The following TMEM268 variants were observed in gnomAD, a reference collection of about 807,000 sequenced individuals.
TMEM268 encodes transmembrane protein C9orf91.
TMEM268 carries 24 observed loss-of-function variants against 39.1 expected under a neutral mutation model. The ratio of observed to expected loss-of-function variants is 0.61; its 90% CI spans 0.44 to 0.86. The LOEUF is 0.86. Among genes scored for constraint, TMEM268 ranks in the 40% least tolerant of loss-of-function variants. The pLI is 0.00. For synonymous variants in TMEM268, 176 were observed against 173.5 expected (o/e 1.01, Z -0.12); for missense variants, 409 against 428.6 (o/e 0.95, Z 0.40).
chr9:114,615,229 G>A (rs1845657663), intron 1 of TMEM268, among the ~76,000 whole-genome samples: 2 of 152,160 alleles, frequency 1.3e-5, no homozygotes, highest in African/African-American at 4.8e-5. Context: ...ACGTGACTGA[G>A]TGGTTCCTGC....
chr9:114,621,719 G>A (rs987109763), intron 2 of TMEM268, among the ~76,000 whole-genome samples: 3 of 152,106 alleles, frequency 2.0e-5, no homozygotes, highest in Non-Finnish European at 2.9e-5. Flanking sequence ...CTAGGTAGAC[G>A]TGTCCTAGAG....
upstream of TMEM268, among the ~76,000 whole-genome samples, chr9:114,607,189 C>T (rs892052149): frequency 4.6e-5 from 7 of 152,146 alleles, no homozygotes; most frequent in Non-Finnish European, 8.8e-5. Context: ...CATATTTATT[C>T]ATTCACTACT....
upstream of TMEM268, among the ~76,000 whole-genome samples, chr9:114,609,820 CAA>C (rs1466674313): frequency 2.1e-5 from 3 of 142,408 alleles, no homozygotes; most frequent in Admixed American, 7.3e-5. Flanking sequence ...GAAAAAGAAA[CAA>C]AGAAAGAAAG....
chr9:114,620,460 G>A (rs1206680179), intron 2 of TMEM268, among the ~76,000 whole-genome samples: 2 of 152,006 alleles, frequency 1.3e-5, no homozygotes, highest in Non-Finnish European at 2.9e-5. Flanking sequence ...TGTTGCCCGG[G>A]TTGATCTCAA....
chr9:114,617,088 T>C, intron 1 of TMEM268, 30 bp from the exon 2 acceptor site: 1 of 731,524 alleles, frequency 1.4e-6, no homozygotes, highest in Non-Finnish European at 2.3e-6. Flanking sequence ...GGCTCAGGCC[T>C]GAAGTTCTTT....
chr9:114,605,469 T>C, the TMEM268 span, among the ~76,000 whole-genome samples: 3 of 152,238 alleles, frequency 2.0e-5, no homozygotes, highest in South Asian at 2.1e-4. Context: ...CAGGTCAACA[T>C]AGATCTTCTC....
intron 7 of TMEM268, among the ~76,000 whole-genome samples, chr9:114,637,823 C>T (rs893900285): frequency 6.6e-6 from 1 of 152,150 alleles, no homozygotes; most frequent in Non-Finnish European, 1.5e-5. Flanking sequence ...GGCCTCCTGT[C>T]TCCAAGCCCT....
At chr9:114,636,282 C>T (rs900224843) in intron 6 of TMEM268, among the ~76,000 whole-genome samples, 5 of 152,070 alleles carry the variant, frequency 3.3e-5, no homozygotes, top group African/African-American at 1.2e-4. Context: ...CCACAGGCAA[C>T]CAGGTTGATT....
intron 1 of TMEM268, among the ~76,000 whole-genome samples, chr9:114,616,357 G>GTTTGTT (rs200337281): frequency 2.8e-5 from 4 of 142,022 alleles, no homozygotes; most frequent in South Asian, 2.3e-4. Context: ...TTGTTTGTTT[G>GTTTGTT]TTTGTTTTTG....
At position 114,621,981 on chromosome 9, in the gene TMEM268, C is replaced by A. The variant is rs568583848; in HGVS notation, c.107-2369C>A. ...CACCCTGGCCACTGTGTGGAAGATG[C>A]ATTGTAGAAGTAAAGGTAGGTTTGC... is the stretch of plus-strand genomic sequence containing the variant. On this transcript the variant is annotated intron_variant, in intron 2 of 8. Transcript: ENST00000288502. 61 of 458,934 alleles carry A rather than the reference C, an allele frequency of 1.3e-4. No homozygotes were observed. The South Asian group carries it at 4.5e-3, about 34-fold the overall frequency. 28.4% of individuals were successfully genotyped at this position (458,934 alleles called of 1,614,324 possible).
intron 2 of TMEM268, 151 bp from the exon 3 acceptor site, chr9:114,624,199 T>C (rs1405491117): frequency 2.1e-6 from 3 of 1,422,794 alleles, no homozygotes; most frequent in African/African-American, 2.9e-5. Flanking sequence ...CCAGTCCTTC[T>C]CTCAAGAGGA....
chr9:114,628,346 C>T, intron 5 of TMEM268, 96 bp downstream of exon 5: 1 of 1,442,534 alleles, frequency 6.9e-7, no homozygotes, highest in Non-Finnish European at 9.5e-7. Context: ...AAAGAATTTC[C>T]CTGGCCATGA....
At chr9:114,613,358 G>A (rs1293906646) in intron 1 of TMEM268, among the ~76,000 whole-genome samples, 1 of 152,232 alleles carries the variant, frequency 6.6e-6, no homozygotes, top group Admixed American at 6.5e-5. Flanking sequence ...CCTCGTGGCT[G>A]CTCGGTCCCC....
At chr9:114,623,909 C>T (rs1464151434) in intron 2 of TMEM268, among the ~76,000 whole-genome samples, 1 of 152,218 alleles carries the variant, frequency 6.6e-6, no homozygotes, top group Non-Finnish European at 1.5e-5. Context: ...CTTACTTAGA[C>T]TCTCTGAGCC....
chr9:114,632,853 C>G (rs886356048), intron 5 of TMEM268, among the ~76,000 whole-genome samples: 6 of 152,208 alleles, frequency 3.9e-5, no homozygotes, highest in African/African-American at 1.4e-4. Context: ...TTTTATTCTA[C>G]AACTGAAGAA....
intron 2 of TMEM268, among the ~76,000 whole-genome samples, chr9:114,617,746 G>GT (rs1332706621): frequency 6.6e-6 from 1 of 152,060 alleles, no homozygotes; most frequent in Non-Finnish European, 1.5e-5. Flanking sequence ...AATTAAAAAT[G>GT]TTTTTTGTAG....
chr9:114,608,776 T>A (rs138273550), upstream of TMEM268, among the ~76,000 whole-genome samples: 945 of 152,336 alleles, frequency 6.2e-3, 18 homozygotes, highest in African/African-American at 0.021. Context: ...ACAATGCCTG[T>A]CCCTTAGCAG....
chr9:114,605,859 A>AT, the TMEM268 span, among the ~76,000 whole-genome samples: 3 of 152,032 alleles, frequency 2.0e-5, no homozygotes, highest in Non-Finnish European at 4.4e-5. Flanking sequence ...TGAACCTGGG[A>AT]TGCAGAGGTT....
chr9:114,606,316 G>C (rs117592685), upstream of TMEM268, among the ~76,000 whole-genome samples: 1 of 152,064 alleles, frequency 6.6e-6, no homozygotes, highest in African/African-American at 2.4e-5. Flanking sequence ...ACTTAGGCCC[G>C]GTTTCCTGAC....
Sources: gnomAD v4.1 joint callset for allele counts (sites outside exome capture counted in the v4.1 genomes callset) on GRCh38, gnomAD v4.1.1 for gene constraint, MANE v1.5 for transcripts, NCBI Gene and HGNC (gene_info 2026-07-23, HGNC 2026-07-21) for gene names.